The following MCM9 variants were observed in gnomAD, a reference collection of about 807,000 sequenced individuals.
MCM9 encodes DNA helicase MCM9.
A neutral mutation model predicts 72.8 loss-of-function variants in MCM9; 55 were observed. The observed-to-expected ratio is 0.76, with a 90% CI of 0.61 to 0.95. MCM9 has a LOEUF of 0.95. Among genes scored for constraint, MCM9 ranks in the 40% least tolerant of loss-of-function variants. MCM9 has a pLI of 0.00. For synonymous variants in MCM9, 480 were observed against 503.4 expected, an observed-to-expected ratio of 0.95 and a Z score of 0.62; for missense variants, 1,279 against 1,377.0, an observed-to-expected ratio of 0.93 and a Z score of 1.13.
intron 9 of MCM9, among the ~76,000 whole-genome samples, chr6:118,849,783 C>A (rs144196220): frequency 9.2e-5 from 14 of 151,756 alleles, no homozygotes; most frequent in Admixed American, 5.2e-4. Context: ...TGAAGCAGTG[C>A]CAAGGAGTAT....
In MCM9 at chr6:118,847,518, G is replaced by A. The variant is rs558902469; in HGVS notation, c.1325+8853C>T. On this transcript the variant is annotated intron_variant, in intron 9 of 13. Transcript: ENST00000619706. The stretch of plus-strand genomic sequence containing the variant: ...ATATAATAAAGGGTGCTAAGGAGAG[G>A]AATAAAAATAGCCAAGAGAATAAAA... 1.2e-4 allele frequency among the ~76,000 whole-genome samples: 18 copies of A among 150,324 alleles called. No homozygotes were observed. In the South Asian group the frequency reaches 3.4e-3, roughly 28 times the overall value.
intron 8 of MCM9, among the ~76,000 whole-genome samples, chr6:118,869,599 C>CAAA: frequency 2.4e-4 from 14 of 58,298 alleles, no homozygotes; most frequent in East Asian, 2.4e-3. Context: ...AAAGGATTTA[C>CAAA]AAAAAAAAAA....
intron 9 of MCM9, 50 bp from the exon 10 acceptor site, chr6:118,829,300 G>A (rs1327122967): frequency 1.3e-6 from 2 of 1,482,920 alleles, no homozygotes; most frequent in Middle Eastern, 2.1e-4. Flanking sequence ...CAGATAAAAT[G>A]CAAGATTACA....
intron 9 of MCM9, among the ~76,000 whole-genome samples, chr6:118,838,796 C>T (rs143727665): frequency 0.021 from 3,164 of 152,270 alleles, 116 homozygotes; most frequent in African/African-American, 0.073. Context: ...GTAGAGAGAT[C>T]CACTGTTAGT....
At chr6:118,865,416 T>A (rs932903704) in intron 8 of MCM9, among the ~76,000 whole-genome samples, 1 of 152,212 alleles carries the variant, frequency 6.6e-6, no homozygotes, top group Non-Finnish European at 1.5e-5. Context: ...ATAGTAGGCA[T>A]ATGTGAGTCT....
intron 9 of MCM9, among the ~76,000 whole-genome samples, chr6:118,842,500 AAGC>A (rs896658148): frequency 1.3e-5 from 2 of 152,146 alleles, no homozygotes; most frequent in African/African-American, 4.8e-5. Context: ...AGTTTAAAAA[AAGC>A]AGATTTTAAT....
rs1189254792 is a variant in MCM9 at position 118,815,584 on chromosome 6, G to A, written c.2672C>T (p.Pro891Leu). Residue 891 changes from proline to leucine, a missense_variant, in exon 14 of 14, where the codon CCC becomes CTC. Pro to Leu is a moderately conservative substitution (Grantham distance 98). Coordinates refer to ENST00000619706, the MANE Select transcript of MCM9 (RefSeq NM_017696.3). The part of the protein sequence containing the change: ...VHSPDRMLDS[P>L]KRKRPKSLAQ... Reference sequence around the variant, plus strand: ...AAGGGATTTCGGTCTCTTTCTTTTGGGTGAGTCCAGCATTCTGTCTGGGCT... The same window carrying A: ...AAGGGATTTCGGTCTCTTTCTTTTGAGTGAGTCCAGCATTCTGTCTGGGCT... 6.5e-7 allele frequency: 1 copy of A among 1,550,280 alleles called. No homozygotes were observed. Among genetic ancestry groups the A allele is most frequent in the Non-Finnish European group, 8.7e-7 (1 of 1,146,944 alleles).
intron 8 of MCM9, among the ~76,000 whole-genome samples, chr6:118,890,168 T>TG (rs1353081518): frequency 2.0e-5 from 3 of 152,142 alleles, no homozygotes; most frequent in Admixed American, 2.0e-4. Flanking sequence ...TAATGGAGCT[T>TG]TGTTCCTCAA....
chr6:118,925,538 A>C (rs1174490953), intron 3 of MCM9, among the ~76,000 whole-genome samples: 1 of 152,210 alleles, frequency 6.6e-6, no homozygotes, highest in East Asian at 1.9e-4. Flanking sequence ...ACAAGTCTAC[A>C]GATAGACTTG....
chr6:118,886,704 A>G (rs1182287409), intron 8 of MCM9, among the ~76,000 whole-genome samples: 6 of 152,194 alleles, frequency 3.9e-5, no homozygotes, highest in African/African-American at 1.4e-4. Context: ...CTGTAATCTC[A>G]GCACTTCAAG....
At chr6:118,817,856 T>C (rs1227349818) in intron 13 of MCM9, among the ~76,000 whole-genome samples, 1 of 152,226 alleles carries the variant, frequency 6.6e-6, no homozygotes, top group African/African-American at 2.4e-5. Context: ...TGGTATCTCA[T>C]TGTGGTTTTG....
intron 8 of MCM9, among the ~76,000 whole-genome samples, chr6:118,898,627 A>G (rs1050531867): frequency 2.0e-5 from 3 of 152,102 alleles, no homozygotes; most frequent in African/African-American, 7.2e-5. Flanking sequence ...CATGTTTGCC[A>G]GGCTGGTCTC....
chr6:118,931,482 A>C lies in MCM9; in HGVS notation c.242T>G (p.Leu81Arg). The change falls in exon 3 of 14, where the codon CTC becomes CGC. Residue 81 changes from leucine to arginine, a missense_variant. Transcript: ENST00000619706. The stretch of plus-strand genomic sequence containing the variant: ...AGCCTCAGGCTGAGAAAGGGACTGG[A>C]GAATTGTCAAGGCTGACCTTCGCAG... The part of the protein sequence containing the change: ...SALRRSALTI[L>R]QSLSQPEAVS... The C allele has an allele frequency of 6.2e-7, 1 of 1,614,198 alleles. No individual in the cohort carries two copies. The highest frequency in any genetic ancestry group is 8.5e-7 in the Non-Finnish European group (1 of 1,180,026).
At chr6:118,861,014 C>T (rs943281625) in intron 8 of MCM9, among the ~76,000 whole-genome samples, 5 of 152,198 alleles carry the variant, frequency 3.3e-5, no homozygotes, top group Non-Finnish European at 7.3e-5. Flanking sequence ...CACACTACTA[C>T]CGGCCCAGAT....
Position 118,930,747 on chromosome 6 carries a change from T to A in MCM9, c.304+673A>T, listed in dbSNP as rs547459275. Among the ~76,000 whole-genome samples the A allele has an allele frequency of 3.3e-5, 5 of 152,184 alleles. No individual in the cohort carries two copies. The South Asian group carries it at 8.3e-4, about 25-fold the overall frequency. ...TATGCCTTCCAAGAAATTACTTCCA[T>A]GCAATGAACTAAATAAAAATTGTTA... On this transcript the variant is annotated intron_variant, in intron 3 of 13. Transcript: ENST00000619706.
At chr6:118,910,707 C>G (rs1343677910) in intron 8 of MCM9, 7 of 985,124 alleles carry the variant, frequency 7.1e-6, no homozygotes, top group Non-Finnish European at 8.4e-6. Flanking sequence ...ATATTCTTGC[C>G]TAGTATCCTG....
chr6:118,858,419 CTGAA>C, intron 8 of MCM9, among the ~76,000 whole-genome samples: 1 of 152,082 alleles, frequency 6.6e-6, no homozygotes, highest in Non-Finnish European at 1.5e-5. Context: ...TGATAAAAGA[CTGAA>C]TGTTTCCTCA....
At chr6:118,924,212 G>A in intron 3 of MCM9, 85 bp from the exon 4 acceptor site, 1 of 1,231,550 alleles carries the variant, frequency 8.1e-7, no homozygotes, top group Non-Finnish European at 1.1e-6. Context: ...TTTCCTGAAA[G>A]ATAAATTTTA....
chr6:118,924,942 G>T (rs1781763829), intron 3 of MCM9, among the ~76,000 whole-genome samples: 1 of 151,994 alleles, frequency 6.6e-6, no homozygotes, highest in African/African-American at 2.4e-5. Flanking sequence ...AACTCGGTAG[G>T]GCTGAAGTGG....
Sources: gnomAD v4.1 joint callset for allele counts (sites outside exome capture counted in the v4.1 genomes callset) on GRCh38, gnomAD v4.1.1 for gene constraint, MANE v1.5 for transcripts, NCBI Gene and HGNC (gene_info 2026-07-23, HGNC 2026-07-21) for gene names.